Variants in VSTM2B observed in about 807,000 individuals in gnomAD.
The protein encoded by VSTM2B is V-set and transmembrane domain-containing protein 2B.
In VSTM2B, 24 loss-of-function variants were observed where a neutral mutation model predicts 24.0. The ratio of observed to expected loss-of-function variants is 1.00; its 90% CI spans 0.72 to 1.40. VSTM2B has a LOEUF of 1.40. Among genes scored for constraint, VSTM2B ranks in the 40% most tolerant of loss-of-function variants. The pLI is 0.00. For missense variants in VSTM2B, 399 were observed against 416.4 expected (o/e 0.96, Z 0.36); for synonymous variants, 226 against 194.4 (o/e 1.16, Z -1.35).
Position 29,527,295 on chromosome 19 carries a change from C to A in VSTM2B, c.167C>A (p.Ala56Asp), listed in dbSNP as rs1306917970. 1 of 1,550,392 alleles carries A rather than the reference C, an allele frequency of 6.4e-7. No individual in the cohort carries two copies. The highest frequency in any genetic ancestry group is 2.4e-5 in the East Asian group (1 of 40,866). Reference protein sequence around the residue: ...EMPCAFRASGATSYSLEIQWW... With the variant: ...EMPCAFRASGDTSYSLEIQWW... The stretch of plus-strand genomic sequence containing the variant: ...CCCTGCGCGTTCCGGGCCAGCGGAG[C>A]CACCTCGTATTCGCTGGAGATTCAG... The change falls in exon 2 of 5, where the codon GCC (alanine) becomes GAC (aspartate). Residue 56 changes from alanine to aspartate, a missense_variant. Ala to Asp is a moderately radical substitution (Grantham distance 126). Coordinates refer to ENST00000335523, the MANE Select transcript of VSTM2B (RefSeq NM_001146339.2).
At chr19:29,529,030 A>C in intron 3 of VSTM2B, 1 of 985,426 alleles carries the variant, frequency 1.0e-6, no homozygotes, top group Non-Finnish European at 1.2e-6. Flanking sequence ...AGATGCGCCC[A>C]AGCTTCCCAC....
At chr19:29,528,611 G>T in intron 3 of VSTM2B, 149 bp downstream of exon 3, 1 of 1,008,076 alleles carries the variant, frequency 9.9e-7, no homozygotes, top group Non-Finnish European at 1.5e-6. Flanking sequence ...TGGCTGCTCG[G>T]CGTGTCCGGG....
Position 29,526,076 on chromosome 19 carries a change from G to A in VSTM2B, c.-508G>A, listed in dbSNP as rs1347843223. 2.6e-5 allele frequency among the ~76,000 whole-genome samples: 4 copies of A among 152,040 alleles called. No homozygotes were observed. Among genetic ancestry groups the A allele is most frequent in the African/African-American group, 4.8e-5 (2 of 41,432 alleles). ...GTCGGACGCCAGGTCTGCGCGCCGC[G>A]GCTGAGCGCCCACTCGCCCTGCGGA... On this transcript the variant is annotated 5_prime_UTR_variant, in exon 1 of 5. Coordinates refer to ENST00000335523, the MANE Select transcript of VSTM2B (RefSeq NM_001146339.2). The surrounding 1 kb of genome is among the most constrained non-coding windows in gnomAD (Gnocchi z 4.1).
At chr19:29,559,345 G>A (rs187739305) in intron 4 of VSTM2B, among the ~76,000 whole-genome samples, 1 of 152,300 alleles carries the variant, frequency 6.6e-6, no homozygotes, top group African/African-American at 2.4e-5. Flanking sequence ...ACCATTCTCA[G>A]CAAACTAACA....
intron 4 of VSTM2B, among the ~76,000 whole-genome samples, chr19:29,530,766 CAG>C (rs1173577264): frequency 3.9e-5 from 6 of 152,156 alleles, no homozygotes; most frequent in Admixed American, 2.0e-4. Flanking sequence ...CTCGATTGAA[CAG>C]ACTTTGTCCA....
intron 4 of VSTM2B, among the ~76,000 whole-genome samples, chr19:29,561,866 C>A (rs964085607): frequency 6.6e-6 from 1 of 152,174 alleles, no homozygotes; most frequent in African/African-American, 2.4e-5. Context: ...AGATTGGAGT[C>A]TTTGCAGTGA....
chr19:29,543,838 G>T (rs1406182653), intron 4 of VSTM2B, among the ~76,000 whole-genome samples: 1 of 152,138 alleles, frequency 6.6e-6, no homozygotes, highest in Non-Finnish European at 1.5e-5. Context: ...AGGTCCCCCA[G>T]CTCTGCCATC....
At chr19:29,546,283 A>G in intron 4 of VSTM2B, among the ~76,000 whole-genome samples, 1 of 152,170 alleles carries the variant, frequency 6.6e-6, no homozygotes, top group East Asian at 1.9e-4. Flanking sequence ...AAGACACTCA[A>G]AGGAGTGTGG....
intron 4 of VSTM2B, among the ~76,000 whole-genome samples, chr19:29,537,427 C>A (rs1203009707): frequency 6.6e-6 from 1 of 152,134 alleles, no homozygotes; most frequent in Non-Finnish European, 1.5e-5. Flanking sequence ...ATAGCCCAGG[C>A]CCCTTCTCCT....
At chr19:29,542,652 G>A (rs73923877) in intron 4 of VSTM2B, among the ~76,000 whole-genome samples, 8,864 of 152,058 alleles carry the variant, frequency 0.058, 314 homozygotes, top group Middle Eastern at 0.11. Context: ...AATAGCTGAC[G>A]CATAGGTGGA....
Position 29,551,510 on chromosome 19 carries a change from C to T in VSTM2B, c.770-12336C>T, listed in dbSNP as rs117280133. On this transcript the variant is annotated intron_variant, in intron 4 of 4. Coordinates refer to ENST00000335523, the MANE Select transcript of VSTM2B (RefSeq NM_001146339.2). Reference sequence around the variant, plus strand: ...TGCCCGTTGTGTTCTTTGAGGGTCTCTTTCAAATGGCTCCAGCGTGTCTCT... The same window carrying T: ...TGCCCGTTGTGTTCTTTGAGGGTCTTTTTCAAATGGCTCCAGCGTGTCTCT... Among the ~76,000 whole-genome samples, 777 of 152,234 alleles carry T rather than the reference C, an allele frequency of 5.1e-3. 5 individuals carry two copies. Among genetic ancestry groups the T allele is most frequent in the Admixed American group, 9.4e-3 (143 of 15,292 alleles).
chr19:29,554,943 T>C (rs1391688264), intron 4 of VSTM2B, among the ~76,000 whole-genome samples: 1 of 152,178 alleles, frequency 6.6e-6, no homozygotes, highest in Non-Finnish European at 1.5e-5. Flanking sequence ...CAAAGAGACT[T>C]AGACTCCCAC....
chr19:29,549,052 G>T (rs1002833958), intron 4 of VSTM2B, among the ~76,000 whole-genome samples: 2 of 152,226 alleles, frequency 1.3e-5, no homozygotes, highest in African/African-American at 4.8e-5. Context: ...TGGTGGAAAA[G>T]CAGTCCTGGG....
chr19:29,554,593 C>G (rs1445720080), intron 4 of VSTM2B, among the ~76,000 whole-genome samples: 2 of 152,150 alleles, frequency 1.3e-5, no homozygotes, highest in Middle Eastern at 3.2e-3. Context: ...TGTAAAAGCT[C>G]TAAATGCCCC....
intron 4 of VSTM2B, among the ~76,000 whole-genome samples, chr19:29,551,421 C>A (rs76070828): frequency 6.7e-6 from 1 of 150,248 alleles, no homozygotes; most frequent in Admixed American, 6.6e-5. Flanking sequence ...ATTTCCCAGA[C>A]AAGCTGCTGG....
At chr19:29,528,140 A>G (rs1210819503) in intron 2 of VSTM2B, among the ~76,000 whole-genome samples, 1 of 152,072 alleles carries the variant, frequency 6.6e-6, no homozygotes, top group African/African-American at 2.4e-5. Context: ...GCCCAGAGGG[A>G]AGGAGAGGGG....
chr19:29,535,862 C>T (rs1425013543), intron 4 of VSTM2B, among the ~76,000 whole-genome samples: 5 of 152,118 alleles, frequency 3.3e-5, no homozygotes, highest in African/African-American at 7.2e-5. Flanking sequence ...CCCGGACCCA[C>T]GAGGACCCAA....
At chr19:29,554,349 C>A (rs1030015298) in intron 4 of VSTM2B, among the ~76,000 whole-genome samples, 5 of 152,136 alleles carry the variant, frequency 3.3e-5, no homozygotes, top group Admixed American at 6.6e-5. Flanking sequence ...GAAATAAAAT[C>A]TTTTCAGACA....
Position 29,527,274 on chromosome 19 carries a change from G to C in VSTM2B, c.146G>C (p.Cys49Ser). Residue 49 changes from cysteine (C) to serine (S), a missense_variant, in exon 2 of 5, where the codon TGC becomes TCC. Physicochemically the swap from Cys to Ser is moderately radical, Grantham distance 112 (BLOSUM62 -1). Transcript: ENST00000335523. ...VREGDDIEMP[C>S]AFRASGATSY... The stretch of plus-strand genomic sequence containing the variant: ...GAGGGAGACGACATCGAAATGCCCT[G>C]CGCGTTCCGGGCCAGCGGAGCCACC... 1 of 1,550,516 alleles carries C rather than the reference G, an allele frequency of 6.4e-7. No individual in the cohort carries two copies. Among genetic ancestry groups the C allele is most frequent in the African/African-American group, 1.4e-5 (1 of 73,134 alleles).
Sources: gnomAD v4.1 joint callset for allele counts (sites outside exome capture counted in the v4.1 genomes callset) on GRCh38, gnomAD v4.1.1 for gene constraint, Gnocchi (gnomAD v3.1) non-coding constraint, MANE v1.5 for transcripts, NCBI Gene and HGNC (gene_info 2026-07-23, HGNC 2026-07-21) for gene names.